The following PDE10A variants were observed in gnomAD, a reference collection of about 807,000 sequenced individuals.
The protein encoded by PDE10A is cAMP and cAMP-inhibited cGMP 3',5'-cyclic phosphodiesterase 10A.
Under a neutral mutation model 97.7 loss-of-function variants are expected in PDE10A, and 39 were observed. The observed-to-expected ratio is 0.40, with a 90% CI of 0.31 to 0.52. PDE10A has a LOEUF of 0.52. Among genes scored for constraint, PDE10A ranks in the 20% least tolerant of loss-of-function variants. The pLI is 0.56. For synonymous variants in PDE10A, 371 were observed against 376.8 expected, an observed-to-expected ratio of 0.98 and a Z score of 0.18; for missense variants, 731 against 1,047.8, an observed-to-expected ratio of 0.70 and a Z score of 4.17.
chr6:165,456,920 A>C (rs924111779), intron 3 of PDE10A, among the ~76,000 whole-genome samples: 23 of 152,246 alleles, frequency 1.5e-4, no homozygotes, highest in African/African-American at 5.5e-4. Flanking sequence ...ATAGTTAACA[A>C]ATCACTCAAA....
At chr6:165,902,206 C>T (rs1782129852) in intron 1 of PDE10A, among the ~76,000 whole-genome samples, 2 of 152,214 alleles carry the variant, frequency 1.3e-5, no homozygotes, top group South Asian at 4.1e-4. Context: ...AAAAGCCCAC[C>T]CCATATTGAC....
intron 1 of PDE10A, among the ~76,000 whole-genome samples, chr6:165,599,909 C>T (rs1283956873): frequency 6.6e-6 from 1 of 152,086 alleles, no homozygotes. Flanking sequence ...TCTTTCTACC[C>T]GGAGGCAAAG....
chr6:165,372,847 A>G (rs986224532), intron 18 of PDE10A, among the ~76,000 whole-genome samples: 10 of 151,634 alleles, frequency 6.6e-5, no homozygotes, highest in Non-Finnish European at 1.2e-4. Context: ...GGCTACAGTA[A>G]CCAAAACAGC....
chr6:165,822,843 A>AT lies in PDE10A; in HGVS notation c.-615+164685dup, dbSNP rs1012419470. Among the ~76,000 whole-genome samples the AT allele has an allele frequency of 3.9e-3, 576 of 148,762 alleles. 5 individuals carry two copies. The highest frequency in any genetic ancestry group is 0.013 in the African/African-American group (524 of 40,712). ...TACTGTGTAACTTTTTAACTTTATA[A>AT]TTTTTTTTTTTGAGACGGAGTCTTG... On this transcript the variant is annotated intron_variant, in intron 1 of 19. Coordinates refer to the PDE10A transcript ENST00000366882.
chr6:165,595,142 A>G (rs1240014883), intron 1 of PDE10A, among the ~76,000 whole-genome samples: 1 of 152,180 alleles, frequency 6.6e-6, no homozygotes, highest in Non-Finnish European at 1.5e-5. Context: ...AGCCATGTGG[A>G]AATGGCTCCC....
At chr6:165,794,404 C>T (rs1263535935) in intron 1 of PDE10A, among the ~76,000 whole-genome samples, 2 of 151,656 alleles carry the variant, frequency 1.3e-5, no homozygotes, top group Non-Finnish European at 2.9e-5. Flanking sequence ...TGCTCACACT[C>T]ATCACACACT....
intron 1 of PDE10A, among the ~76,000 whole-genome samples, chr6:165,938,940 C>T (rs1783426051): frequency 6.6e-6 from 1 of 152,180 alleles, no homozygotes; most frequent in South Asian, 2.1e-4. Context: ...ATATTTATTG[C>T]AGCTCTGTTT....
intron 3 of PDE10A, among the ~76,000 whole-genome samples, chr6:165,460,626 T>C (rs914981089): frequency 6.6e-6 from 1 of 152,186 alleles, no homozygotes; most frequent in African/African-American, 2.4e-5. Flanking sequence ...CAATTTAACA[T>C]AGTTGGAGTT....
chr6:165,832,442 GTTTTTC>G (rs1461024786), intron 1 of PDE10A, among the ~76,000 whole-genome samples: 1 of 152,022 alleles, frequency 6.6e-6, no homozygotes, highest in African/African-American at 2.4e-5. Flanking sequence ...ATTGGTGTGT[GTTTTTC>G]TTTTACTTAG....
Position 165,396,391 on chromosome 6 carries a change from G to A in PDE10A, c.2145C>T (p.Ser715=), listed in dbSNP as rs372901704. Residue 715 remains serine, a synonymous_variant, in exon 14 of 22, where the codon AGC becomes AGT. Transcript: ENST00000539869. The stretch of plus-strand genomic sequence containing the variant: ...CTTGCCACTCTTCTGAAGTACAAAT[G>A]CTATGGTAGGACAGCTTTTCCATCG... ...RVTMEKLSYH[S]ICTSEEWQGL... is the part of the protein sequence containing the mutation. The A allele has an allele frequency of 1.7e-5, 27 of 1,613,308 alleles. No individual in the cohort carries two copies. The highest frequency in any genetic ancestry group is 2.3e-5 in the Non-Finnish European group (27 of 1,179,448).
chr6:165,545,110 T>A, intron 1 of PDE10A: 2 of 483,942 alleles, frequency 4.1e-6, no homozygotes, highest in Non-Finnish European at 8.0e-6. Context: ...TCTCTTTAGG[T>A]CCTCCATATT....
intron 1 of PDE10A, among the ~76,000 whole-genome samples, chr6:165,777,672 G>A (rs1414088674): frequency 1.3e-5 from 2 of 151,124 alleles, no homozygotes; most frequent in East Asian, 1.9e-4. Context: ...AGATAAGATC[G>A]GCGGCTGATC....
rs557955862 is a variant in PDE10A at position 165,540,795 on chromosome 6, A to G, written c.994+2645T>C. 2.0e-5 allele frequency among the ~76,000 whole-genome samples: 3 copies of G among 152,162 alleles called. 1 individual carries two copies. The highest frequency in any genetic ancestry group is 3.9e-4 in the East Asian group (2 of 5,162). ...CAGGCATGCGCCACTATGCCTAGCTAATTTTTGTATTTTTAGTAGAGTCAG... is the reference window on the plus strand; with the variant it reads ...CAGGCATGCGCCACTATGCCTAGCTGATTTTTGTATTTTTAGTAGAGTCAG... On this transcript the variant is annotated intron_variant, in intron 2 of 21. Coordinates refer to ENST00000539869, the MANE Select transcript of PDE10A (RefSeq NM_001385079.1).
chr6:165,906,377 T>A (rs774818534), intron 1 of PDE10A, among the ~76,000 whole-genome samples: 2 of 151,876 alleles, frequency 1.3e-5, no homozygotes, highest in Non-Finnish European at 2.9e-5. Flanking sequence ...CTTGCCTTCT[T>A]CAGGGACCTG....
intron 1 of PDE10A, chr6:165,718,434 G>A (rs184653533): frequency 6.6e-6 from 1 of 152,132 alleles, no homozygotes; most frequent in Admixed American, 6.5e-5. Flanking sequence ...GAAACAAAGG[G>A]TTTATGCTTT....
In PDE10A at chr6:165,344,783, T is replaced by A. The variant is rs1320204882; in HGVS notation, c.2784-1281A>T. On this transcript the variant is annotated intron_variant, in intron 18 of 21. Coordinates refer to ENST00000539869, the MANE Select transcript of PDE10A (RefSeq NM_001385079.1). Reference sequence around the variant, plus strand: ...ATCATCAGTTTTACTACCTTGCTTTTTGTAAGGGCACATTTCAAGAGGGTA... The same window carrying A: ...ATCATCAGTTTTACTACCTTGCTTTATGTAAGGGCACATTTCAAGAGGGTA... 3.3e-5 allele frequency among the ~76,000 whole-genome samples: 5 copies of A among 152,224 alleles called. No homozygotes were observed. The East Asian group carries it at 7.7e-4, about 23-fold the overall frequency.
At chr6:165,914,111 C>T (rs1782540244) in intron 1 of PDE10A, among the ~76,000 whole-genome samples, 1 of 152,216 alleles carries the variant, frequency 6.6e-6, no homozygotes, top group African/African-American at 2.4e-5. Context: ...CCTACATATA[C>T]ACCTCCTTTG....
At position 165,422,306 on chromosome 6, in the gene PDE10A, CACACATACGCATAT is replaced by C. The variant is rs1237613552; in HGVS notation, c.1654-3543_1654-3530del. ...ACACACGCATACACACATACGCATA[CACACATACGCATAT>C]ACACACACAGGCATACACACACACA... On this transcript the variant is annotated intron_variant, in intron 10 of 21. Transcript: ENST00000539869. Among the ~76,000 whole-genome samples, 10 of 147,716 alleles carry C rather than the reference CACACATACGCATAT, an allele frequency of 6.8e-5. No individual in the cohort carries two copies. In the East Asian group the frequency reaches 1.9e-3, roughly 29 times the overall value.
At chr6:165,665,167 T>C (rs1250820417), upstream of PDE10A, among the ~76,000 whole-genome samples, 2 of 152,222 alleles carry the variant, frequency 1.3e-5, no homozygotes, top group Non-Finnish European at 2.9e-5. Flanking sequence ...ACTGATTAGC[T>C]CTGAAATTTT....
Sources: allele counts gnomAD v4.1 joint callset (sites outside exome capture counted in the v4.1 genomes callset), GRCh38; gene constraint gnomAD v4.1.1; transcripts MANE v1.5; gene names NCBI Gene and HGNC (gene_info 2026-07-23, HGNC 2026-07-21).